Variants in RNF213 observed in about 807,000 individuals in gnomAD.
The protein encoded by RNF213 is E3 ubiquitin-protein ligase RNF213.
In RNF213, 341 loss-of-function variants were observed where a neutral mutation model predicts 514.4. That is an observed-to-expected ratio of 0.66 (90% CI 0.61 to 0.73). The LOEUF (loss-of-function observed/expected upper bound fraction) is 0.73, where lower values mean the gene tolerates loss of function less well. RNF213 is among the 30% of genes least tolerant of loss of function. The probability of loss-of-function intolerance (pLI) is 0.00; values close to 1 mark genes in which losing one functional copy is unlikely to be tolerated. For synonymous variants in RNF213, 2,655 were observed against 2,658.2 expected (o/e 1.00, Z 0.04); for missense variants, 5,767 against 6,615.6 (o/e 0.87, Z 4.45).
At chr17:80,308,511 G>C (rs537536451) in intron 13 of RNF213, among the ~76,000 whole-genome samples, 1 of 151,510 alleles carries the variant, frequency 6.6e-6, no homozygotes, top group Non-Finnish European at 1.5e-5. Context: ...TCCCTCCTAA[G>C]GCTCCTCCCG....
intron 3 of RNF213, among the ~76,000 whole-genome samples, chr17:80,283,418 G>C (rs1045014005): frequency 6.6e-6 from 1 of 152,248 alleles, no homozygotes; most frequent in African/African-American, 2.4e-5. Flanking sequence ...TGGTCTTCCA[G>C]GAACTGGATC....
In RNF213 at chr17:80,396,726, TCCCC is replaced by T. The variant is rs71163954; in HGVS notation, c.*3232_*3235del. ...AAAACAAGCGCCAGGAAAGTGCATT[TCCCC>T]CCCACCCCCCCCCCCCAACCAGAGC... is the stretch of plus-strand genomic sequence containing the variant. On this transcript the variant is annotated 3_prime_UTR_variant, in exon 68 of 68. Coordinates refer to ENST00000582970, the MANE Select transcript of RNF213 (RefSeq NM_001256071.3). The T allele has an allele frequency of 8.8e-5, 6 of 67,942 alleles. No homozygotes were observed. The highest frequency in any genetic ancestry group is 1.8e-4 in the African/African-American group (3 of 16,332). The allele number at this position is 67,942 out of a possible 1,614,324, so 4.2% of individuals were successfully genotyped here.
At chr17:80,277,093 G>T (rs2044089624) in intron 3 of RNF213, among the ~76,000 whole-genome samples, 1 of 151,436 alleles carries the variant, frequency 6.6e-6, no homozygotes. Context: ...AACAAAAAAA[G>T]AATACGATAT....
Position 80,332,216 on chromosome 17 carries a change from C to T in RNF213, c.3728C>T (p.Pro1243Leu), listed in dbSNP as rs187249289. Residue 1243 changes from proline to leucine, a missense_variant, in exon 21 of 68, where the codon CCG becomes CTG. Physicochemically the swap from Pro to Leu is moderately conservative, Grantham distance 98. Coordinates refer to ENST00000582970, the MANE Select transcript of RNF213 (RefSeq NM_001256071.3). ...FQLFWREAAEPLSEPKEDQEA... is the reference protein window; with the variant it reads ...FQLFWREAAELLSEPKEDQEA... ...CTCTTCTGGCGGGAAGCCGCAGAGC[C>T]GCTGAGTGAGCCTAAGGAGGACCAG... The T allele has an allele frequency of 7.8e-5, 120 of 1,537,160 alleles. 1 individual carries two copies. The African/African-American group carries it at 8.3e-4, about 11-fold the overall frequency.
intron 49 of RNF213, 33 bp from the exon 50 acceptor site, chr17:80,374,425 A>G (rs900593732): frequency 1.2e-6 from 2 of 1,613,722 alleles, no homozygotes; most frequent in East Asian, 2.2e-5. Context: ...CATTCCTCCC[A>G]TTGTTCACCC....
intron 2 of RNF213, among the ~76,000 whole-genome samples, chr17:80,269,635 C>A (rs1478126027): frequency 6.6e-6 from 1 of 152,078 alleles, no homozygotes; most frequent in East Asian, 1.9e-4. Context: ...ATTCATCTAG[C>A]TTATCTATCT....
Position 80,306,275 on chromosome 17 carries a change from G to A in RNF213, c.2234G>A (p.Arg745Lys). The change falls in exon 12 of 68, where the codon AGA (arginine) becomes AAA (lysine). Residue 745 changes from arginine (R) to lysine (K), a missense_variant. This residue lies in a region of RNF213 where 592 missense variants were observed against 673.9 expected (regional missense o/e 0.88). Transcript: ENST00000582970. ...LDTSSLLQFM[R>K]EKQHLLSIDE... ...AGGAGTTCCCTACTTCAGTTTATGA[G>A]AGAGAAGCAGCATTTGCTGAGCATA... The A allele has an allele frequency of 1.2e-6, 2 of 1,614,134 alleles. No individual in the cohort carries two copies. The highest frequency in any genetic ancestry group is 2.2e-5 in the South Asian group (2 of 91,076).
At chr17:80,290,258 T>G (rs1042218715) in intron 6 of RNF213, among the ~76,000 whole-genome samples, 1 of 152,224 alleles carries the variant, frequency 6.6e-6, no homozygotes, top group Non-Finnish European at 1.5e-5. Context: ...GGTGTGATAA[T>G]GTGCATTACG....
chr17:80,285,629 G>A (rs1197190813), intron 3 of RNF213, among the ~76,000 whole-genome samples: 1 of 152,022 alleles, frequency 6.6e-6, no homozygotes, highest in Non-Finnish European at 1.5e-5. Flanking sequence ...CTACAGTGCT[G>A]GGCCCCAGCC....
Position 80,346,990 on chromosome 17 carries a change from C to T in RNF213, c.8655C>T (p.Ser2885=), listed in dbSNP as rs761420365. 2 of 1,613,802 alleles carry T rather than the reference C, an allele frequency of 1.2e-6. No individual in the cohort carries two copies. Among genetic ancestry groups the T allele is most frequent in the Non-Finnish European group, 8.5e-7 (1 of 1,179,842 alleles). The change falls in exon 29 of 68, where the codon TCC becomes TCT. Residue 2885 remains serine (S), a synonymous_variant. Coordinates refer to ENST00000582970, the MANE Select transcript of RNF213 (RefSeq NM_001256071.3). This position sits in a 1 kb window ranked among gnomAD's most constrained non-coding sequence, Gnocchi z 8.1. ...AAAAGGTCGGCTTCGTGGGCATCTC[C>T]AACTGGGCCCTTGACCCTGCCAAGA... ...PHKKVGFVGI[S]NWALDPAKMN...
intron 2 of RNF213, among the ~76,000 whole-genome samples, chr17:80,266,443 T>TA (rs1367789273): frequency 6.6e-6 from 1 of 151,406 alleles, no homozygotes; most frequent in East Asian, 1.9e-4. Context: ...AAAAAAGCCT[T>TA]ACAGTGGTCT....
intron 20 of RNF213, among the ~76,000 whole-genome samples, chr17:80,331,412 G>A (rs1285108565): frequency 1.7e-5 from 2 of 116,894 alleles, no homozygotes; most frequent in Non-Finnish European, 3.6e-5. Flanking sequence ...TTTTTGATAT[G>A]GAGTCTCACT....
At chr17:80,279,334 A>G (rs1598905516) in intron 3 of RNF213, among the ~76,000 whole-genome samples, 1 of 152,008 alleles carries the variant, frequency 6.6e-6, no homozygotes, top group Non-Finnish European at 1.5e-5. Context: ...TGGGGGCCCG[A>G]CCCAGCCTCT....
In RNF213 at chr17:80,343,998, A is replaced by C; in HGVS notation, c.6325A>C (p.Arg2109=). ...GGAAAGGAGGACGTCAGTGCCGTCG[A>C]GGAGCTCTTCAGCGCTGGTCTGTAC... ...ILERRTSVPS[R]SSSALRTRVP... is the part of the protein sequence containing the mutation. The change falls in exon 28 of 68, where the codon AGG becomes CGG. Residue 2109 remains arginine, a synonymous_variant. Coordinates refer to ENST00000582970, the MANE Select transcript of RNF213 (RefSeq NM_001256071.3). This position sits in a 1 kb window ranked among gnomAD's most constrained non-coding sequence, Gnocchi z 4.3. 3 of 1,614,216 alleles carry C rather than the reference A, an allele frequency of 1.9e-6. No homozygotes were observed. The highest frequency in any genetic ancestry group is 2.5e-6 in the Non-Finnish European group (3 of 1,180,042).
In RNF213 at chr17:80,288,491, G is replaced by C; in HGVS notation, c.810+128G>C. On this transcript the variant is annotated intron_variant, in intron 4 of 67. Transcript: ENST00000582970. The surrounding 1 kb of genome is among the most constrained non-coding windows in gnomAD (Gnocchi z 4.9). ...TCCTCTGGGCCCTGCTCCCTGGGTG[G>C]GAGTCGGAGGGCTGCCCCTCCACTG... The C allele has an allele frequency of 6.3e-7, 1 of 1,592,782 alleles. No individual in the cohort carries two copies. Among genetic ancestry groups the C allele is most frequent in the Non-Finnish European group, 8.6e-7 (1 of 1,165,268 alleles).
At chr17:80,296,094 A>G (rs1364835057) in intron 10 of RNF213, among the ~76,000 whole-genome samples, 4 of 152,104 alleles carry the variant, frequency 2.6e-5, no homozygotes, top group Non-Finnish European at 5.9e-5. Context: ...ATCTTGGCTC[A>G]CTGCAGCCTC....
intron 3 of RNF213, among the ~76,000 whole-genome samples, chr17:80,282,523 C>T (rs1437049865): frequency 2.0e-5 from 3 of 151,850 alleles, no homozygotes; most frequent in East Asian, 1.9e-4. Flanking sequence ...CTCAGCCTCC[C>T]GAGTAGCTGG....
chr17:80,339,900 C>A lies in RNF213; in HGVS notation c.5533C>A (p.Leu1845Met), dbSNP rs2078100477. 1 of 1,536,882 alleles carries A rather than the reference C, an allele frequency of 6.5e-7. No homozygotes were observed. Among genetic ancestry groups the A allele is most frequent in the Non-Finnish European group, 8.7e-7 (1 of 1,146,906 alleles). Residue 1845 changes from leucine to methionine, a missense_variant, in exon 26 of 68, where the codon CTG (leucine) becomes ATG (methionine). Transcript: ENST00000582970. ...CCACTCCGAGGTGTTGCCAGCCGCCCTGGCTGTCTACATGCAAACCCCAAG... is the reference window on the plus strand; with the variant it reads ...CCACTCCGAGGTGTTGCCAGCCGCCATGGCTGTCTACATGCAAACCCCAAG... Reference protein sequence around the residue: ...CGHSEVLPAALAVYMQTPSQP... With the variant: ...CGHSEVLPAAMAVYMQTPSQP...
In RNF213 at chr17:80,273,293, G is replaced by C. The variant is rs1489928128; in HGVS notation, c.150G>C (p.Glu50Asp). The C allele has an allele frequency of 6.2e-7, 1 of 1,613,688 alleles. No individual in the cohort carries two copies. The highest frequency in any genetic ancestry group is 8.5e-7 in the Non-Finnish European group (1 of 1,180,018). The part of the protein sequence containing the change: ...TMASASEGEM[E>D]CGQELKEEGG... ...CGTCGGCCTCGGAGGGTGAAATGGAGTGTGGGCAGGAGCTGAAGGAGGAAG... is the reference window on the plus strand; with the variant it reads ...CGTCGGCCTCGGAGGGTGAAATGGACTGTGGGCAGGAGCTGAAGGAGGAAG... Residue 50 changes from glutamate (E) to aspartate (D), a missense_variant, in exon 3 of 68, where the codon GAG (glutamate) becomes GAC (aspartate). This residue lies in a region of RNF213 where 509 missense variants were observed against 496.7 expected (regional missense o/e 1.02). Transcript: ENST00000582970.
Sources: allele counts gnomAD v4.1 joint callset (sites outside exome capture counted in the v4.1 genomes callset), GRCh38; gene constraint gnomAD v4.1.1; regional missense constraint gnomAD v4.1.1; non-coding constraint Gnocchi (gnomAD v3.1); transcripts MANE v1.5; gene names NCBI Gene and HGNC (gene_info 2026-07-23, HGNC 2026-07-21).